PCDH9: variants seen among roughly 807,000 people sequenced by gnomAD.
PCDH9 encodes protocadherin-9.
In PCDH9, 24 loss-of-function variants were observed where a neutral mutation model predicts 70.6. The ratio of observed to expected loss-of-function variants is 0.34; its 90% CI spans 0.25 to 0.48. The LOEUF is 0.48. Among genes scored for constraint, PCDH9 ranks in the 20% least tolerant of loss-of-function variants. PCDH9 has a pLI of 0.99. For synonymous variants in PCDH9, 562 were observed against 558.5 expected (o/e 1.01, Z -0.09); for missense variants, 1,281 against 1,503.6 (o/e 0.85, Z 2.45).
At chr13:67,011,191 C>T (rs1032623698) in intron 2 of PCDH9, among the ~76,000 whole-genome samples, 49 of 151,838 alleles carry the variant, frequency 3.2e-4, no homozygotes, top group African/African-American at 1.0e-3. Context: ...TATTTACTTA[C>T]GGAACTGTCA....
chr13:66,856,216 AATAG>A (rs1207923316), intron 3 of PCDH9, among the ~76,000 whole-genome samples: 1 of 152,052 alleles, frequency 6.6e-6, no homozygotes, highest in African/African-American at 2.4e-5. Flanking sequence ...TTTGACAGAT[AATAG>A]ATTAGTTTAA....
chr13:66,776,134 T>C (rs2079888479), intron 3 of PCDH9, among the ~76,000 whole-genome samples: 2 of 152,018 alleles, frequency 1.3e-5, no homozygotes, highest in Non-Finnish European at 2.9e-5. Context: ...TATCTCAAAA[T>C]AATAAGAGCT....
At chr13:67,009,970 T>C (rs979076798) in intron 2 of PCDH9, among the ~76,000 whole-genome samples, 2 of 152,026 alleles carry the variant, frequency 1.3e-5, no homozygotes, top group African/African-American at 2.4e-5. Flanking sequence ...AGTCCAAATA[T>C]AAAATCCTTT....
intron 3 of PCDH9, among the ~76,000 whole-genome samples, chr13:66,659,145 A>T (rs921128827): frequency 6.6e-6 from 1 of 152,202 alleles, no homozygotes; most frequent in Non-Finnish European, 1.5e-5. Context: ...AAGAAATGAT[A>T]ATAATAACAA....
rs1029222483 is a variant in PCDH9, at chr13:66,565,557, G to T, written c.3340+65653C>A. On this transcript the variant is annotated intron_variant, in intron 4 of 4. Coordinates refer to ENST00000377865, the MANE Select transcript of PCDH9 (RefSeq NM_203487.3). ...AAGCTTGAAATTTATCTCAATCTTA[G>T]ATTTCACACTCTGCTGTAGACCTCT... 3.3e-5 allele frequency among the ~76,000 whole-genome samples: 5 copies of T among 152,236 alleles called. No individual in the cohort carries two copies. In the East Asian group the frequency reaches 9.6e-4, roughly 29 times the overall value.
chr13:66,989,083 G>A (rs74360229), intron 2 of PCDH9, among the ~76,000 whole-genome samples: 3,331 of 151,978 alleles, frequency 0.022, 125 homozygotes, highest in African/African-American at 0.075. Context: ...GTGAGTCTAA[G>A]AGAAGGGATT....
chr13:67,205,132 G>C (rs2089306739), intron 2 of PCDH9: 1 of 152,122 alleles, frequency 6.6e-6, no homozygotes, highest in Non-Finnish European at 1.5e-5. Flanking sequence ...AAGTAAACCT[G>C]CCTGCATGTC....
intron 3 of PCDH9, among the ~76,000 whole-genome samples, chr13:66,886,586 T>C (rs140198797): frequency 3.3e-5 from 5 of 152,204 alleles, no homozygotes. Flanking sequence ...GAATCTGTTT[T>C]CTTCCTTCCA....
chr13:67,173,203 G>T (rs1270168489), intron 2 of PCDH9, among the ~76,000 whole-genome samples: 1 of 152,088 alleles, frequency 6.6e-6, no homozygotes, highest in African/African-American at 2.4e-5. Flanking sequence ...AGGATTGAAG[G>T]TTATCCACAT....
chr13:66,727,270 A>T (rs535601165), intron 3 of PCDH9, among the ~76,000 whole-genome samples: 2 of 152,286 alleles, frequency 1.3e-5, no homozygotes, highest in Admixed American at 1.3e-4. Context: ...CAAAAAAGGT[A>T]AATTAAAATA....
intron 2 of PCDH9, among the ~76,000 whole-genome samples, chr13:66,999,946 T>C (rs1256936501): frequency 9.9e-5 from 15 of 152,052 alleles, no homozygotes; most frequent in Non-Finnish European, 5.9e-5. Flanking sequence ...GATCTAGAAC[T>C]AGAAATACCA....
chr13:66,608,580 A>G (rs2077251112), intron 4 of PCDH9, among the ~76,000 whole-genome samples: 1 of 151,966 alleles, frequency 6.6e-6, no homozygotes, highest in African/African-American at 2.4e-5. Flanking sequence ...TCCCCAAACT[A>G]ATAGTGCTAG....
intron 4 of PCDH9, among the ~76,000 whole-genome samples, chr13:66,559,442 T>C (rs1389955331): frequency 6.6e-6 from 1 of 152,162 alleles, no homozygotes; most frequent in African/African-American, 2.4e-5. Flanking sequence ...TGATCTCTGC[T>C]TTAACATTAT....
At chr13:66,754,492 A>C (rs947808803) in intron 3 of PCDH9, among the ~76,000 whole-genome samples, 1 of 152,142 alleles carries the variant, frequency 6.6e-6, no homozygotes, top group South Asian at 2.1e-4. Flanking sequence ...GAAGAGGCGA[A>C]GTCATTTCTG....
chr13:66,356,172 A>G (rs376540490), intron 4 of PCDH9, among the ~76,000 whole-genome samples: 2 of 152,172 alleles, frequency 1.3e-5, no homozygotes, highest in African/African-American at 2.4e-5. Flanking sequence ...GAGGGCTCCA[A>G]TGAATTAATG....
At chr13:66,408,764 T>TA (rs375146300) in intron 4 of PCDH9, among the ~76,000 whole-genome samples, 1 of 152,250 alleles carries the variant, frequency 6.6e-6, no homozygotes, top group African/African-American at 2.4e-5. Flanking sequence ...GGAAGTCACA[T>TA]ACACGAAATC....
intron 2 of PCDH9, among the ~76,000 whole-genome samples, chr13:67,013,264 A>AAC (rs111347560): frequency 0.34 from 49,016 of 144,292 alleles, 8,352 homozygotes; most frequent in Admixed American, 0.39. Context: ...TTTTTAATGT[A>AAC]ACACACACAC....
At chr13:67,038,959 G>A (rs938996782) in intron 2 of PCDH9, among the ~76,000 whole-genome samples, 1 of 152,120 alleles carries the variant, frequency 6.6e-6, no homozygotes, top group Non-Finnish European at 1.5e-5. Context: ...TTAGAAGCTT[G>A]GAACTTTTGA....
At chr13:66,588,913 C>CA (rs755759642) in intron 4 of PCDH9, among the ~76,000 whole-genome samples, 4 of 150,990 alleles carry the variant, frequency 2.6e-5, no homozygotes, top group African/African-American at 9.7e-5. Context: ...CATTTTTTTA[C>CA]AAAAAAAGAA....
Sources: allele counts gnomAD v4.1 joint callset (sites outside exome capture counted in the v4.1 genomes callset), GRCh38; gene constraint gnomAD v4.1.1; transcripts MANE v1.5; gene names NCBI Gene and HGNC (gene_info 2026-07-23, HGNC 2026-07-21).